The following FAM110B variants were observed in gnomAD, a reference collection of about 807,000 sequenced individuals.
FAM110B encodes family with sequence similarity 110 member B, also known as protein FAM110B.
A neutral mutation model predicts 20.4 loss-of-function variants in FAM110B; 6 were observed. The observed-to-expected ratio is 0.29, with a 90% CI of 0.16 to 0.58. The LOEUF is 0.58. Ranked by LOEUF, FAM110B falls within the 20% of genes least tolerant of loss-of-function variation. FAM110B has a pLI of 0.90. For synonymous variants in FAM110B, 226 were observed against 214.1 expected (o/e 1.06, Z -0.49); for missense variants, 434 against 498.2 (o/e 0.87, Z 1.23).
At chr8:58,018,008 T>C (rs1197657260) in intron 1 of FAM110B, among the ~76,000 whole-genome samples, 2 of 152,232 alleles carry the variant, frequency 1.3e-5, no homozygotes, top group East Asian at 3.8e-4. Flanking sequence ...TTCACGTGTA[T>C]TGGGTCATTT....
At chr8:58,084,694 C>T (rs1806288091) in intron 3 of FAM110B, among the ~76,000 whole-genome samples, 1 of 151,992 alleles carries the variant, frequency 6.6e-6, no homozygotes, top group Admixed American at 6.6e-5. Context: ...GGTGAAATCT[C>T]CGTTTTTTAA....
intron 3 of FAM110B, chr8:58,077,232 G>A (rs1018169920): frequency 3.9e-5 from 6 of 152,202 alleles, no homozygotes; most frequent in African/African-American, 7.2e-5. Context: ...AACTGTACCC[G>A]AGTGCAGGTG....
At chr8:58,066,633 C>A (rs884135) in intron 2 of FAM110B, among the ~76,000 whole-genome samples, 7,439 of 152,236 alleles carry the variant, frequency 0.049, 218 homozygotes, top group South Asian at 0.11. Flanking sequence ...AGTTGTCTTG[C>A]CCCTGGTAGC....
chr8:58,071,565 ACTTTC>A (rs1805896919), intron 2 of FAM110B, among the ~76,000 whole-genome samples: 2 of 152,182 alleles, frequency 1.3e-5, no homozygotes, highest in Admixed American at 6.5e-5. Flanking sequence ...GGGGTTCTGT[ACTTTC>A]TTTGACAGAG....
chr8:58,131,867 T>G (rs1437058339), intron 3 of FAM110B, among the ~76,000 whole-genome samples: 1 of 152,160 alleles, frequency 6.6e-6, no homozygotes, highest in Non-Finnish European at 1.5e-5. Context: ...CAGGTTCCCT[T>G]TGAAGTGATT....
chr8:58,129,921 AT>A (rs1213526885), intron 3 of FAM110B, among the ~76,000 whole-genome samples: 3 of 152,012 alleles, frequency 2.0e-5, no homozygotes, highest in South Asian at 2.1e-4. Context: ...TATTGCAATG[AT>A]TTTTTTAATG....
In FAM110B at chr8:58,052,387, A is replaced by G. The variant is rs149995116; in HGVS notation, c.-414+20684A>G. The stretch of plus-strand genomic sequence containing the variant: ...AGAGATGTTGAGATCCTGATGTTTT[A>G]AAAGTAAACCTACATAGTAAATAGT... On this transcript the variant is annotated intron_variant, in intron 2 of 3. Coordinates refer to ENST00000519262, the MANE Select transcript of FAM110B (RefSeq NM_001377989.1). Among the ~76,000 whole-genome samples, 506 of 152,338 alleles carry G rather than the reference A, an allele frequency of 3.3e-3. 3 individuals are homozygous for G. The highest frequency in any genetic ancestry group is 0.01 in the Admixed American group (160 of 15,310).
chr8:58,052,231 A>G (rs560247931), intron 2 of FAM110B, among the ~76,000 whole-genome samples: 2 of 152,328 alleles, frequency 1.3e-5, no homozygotes, highest in South Asian at 4.1e-4. Context: ...TTGCAGTGGA[A>G]CTTGAAATGA....
intron 3 of FAM110B, among the ~76,000 whole-genome samples, chr8:58,077,694 G>T (rs1431313591): frequency 6.6e-6 from 1 of 152,112 alleles, no homozygotes; most frequent in Non-Finnish European, 1.5e-5. Flanking sequence ...CACAAGAAGG[G>T]GTAGGTCCCT....
chr8:58,039,130 T>G (rs1805149987), intron 2 of FAM110B, among the ~76,000 whole-genome samples: 1 of 152,236 alleles, frequency 6.6e-6, no homozygotes, highest in Non-Finnish European at 1.5e-5. Flanking sequence ...GGCATTTCTC[T>G]GGAGCCAGAT....
chr8:58,050,434 G>A (rs76781153), intron 2 of FAM110B, among the ~76,000 whole-genome samples: 7,922 of 152,140 alleles, frequency 0.052, 690 homozygotes, highest in African/African-American at 0.18. Context: ...GGTCTCCAGC[G>A]CAAGGAGTTG....
intron 1 of FAM110B, among the ~76,000 whole-genome samples, chr8:58,025,716 G>A (rs901894750): frequency 6.6e-6 from 1 of 152,192 alleles, no homozygotes; most frequent in Admixed American, 6.5e-5. Context: ...GCTGCTGCCA[G>A]GTGTCCCTAC....
intron 3 of FAM110B, among the ~76,000 whole-genome samples, chr8:58,141,975 T>C (rs1328655511): frequency 6.6e-6 from 1 of 152,200 alleles, no homozygotes; most frequent in Non-Finnish European, 1.5e-5. Flanking sequence ...ACCTCCAGGA[T>C]TGCAAATGTT....
Position 58,146,649 on chromosome 8 carries a change from G to C in FAM110B, c.419G>C (p.Ser140Thr). The C allele has an allele frequency of 6.2e-7, 1 of 1,613,346 alleles. No homozygotes were observed. Among genetic ancestry groups the C allele is most frequent in the Non-Finnish European group, 8.5e-7 (1 of 1,179,696 alleles). ...AGCTCGGGCTCGGGGCACAAGCACA[G>C]CTCCCGCAACTGGCCGCCCCACCGG... ...GSSSGSGHKH[S>T]SRNWPPHRSE... The change falls in exon 4 of 4, where the codon AGC (serine) becomes ACC (threonine). Residue 140 changes from serine (S) to threonine (T), a missense_variant. Around this residue, in one of 3 missense-constraint regions of FAM110B, gnomAD observed 284 missense variants for 278.3 expected, o/e 1.02. Coordinates refer to ENST00000519262, the MANE Select transcript of FAM110B (RefSeq NM_001377989.1).
rs137960762 is a variant in FAM110B, at chr8:58,006,919, A to ATTTTT, written c.-512+12114_-512+12115insTTTTT. ...TTAATTGGTATATATATATATATAT[A>ATTTTT]TATATTTTTCCAAAACCAGAGTTTG... is the stretch of plus-strand genomic sequence containing the variant. On this transcript the variant is annotated intron_variant, in intron 1 of 3. Transcript: ENST00000519262. Among the ~76,000 whole-genome samples, 97 of 102,798 alleles carry ATTTTT rather than the reference A, an allele frequency of 9.4e-4. No homozygotes were observed. In the East Asian group the frequency reaches 0.014, roughly 15 times the overall value. 67.4% of individuals were successfully genotyped at this position (102,798 alleles called of 152,430 possible).
chr8:58,121,005 G>T (rs1807345481), intron 3 of FAM110B, among the ~76,000 whole-genome samples: 1 of 152,208 alleles, frequency 6.6e-6, no homozygotes, highest in Non-Finnish European at 1.5e-5. Flanking sequence ...TGAATATAAA[G>T]GGATGTAACG....
At chr8:57,999,058 T>C (rs1455431000) in intron 1 of FAM110B, among the ~76,000 whole-genome samples, 1 of 152,214 alleles carries the variant, frequency 6.6e-6, no homozygotes, top group Non-Finnish European at 1.5e-5. Context: ...TTGTTGTTGT[T>C]GTTGTTTTAA....
chr8:58,073,202 A>T (rs1055110438), intron 2 of FAM110B, among the ~76,000 whole-genome samples: 3 of 152,248 alleles, frequency 2.0e-5, no homozygotes, highest in African/African-American at 7.2e-5. Context: ...TAGAAGGCAC[A>T]GTCCCTTCCT....
intron 2 of FAM110B, among the ~76,000 whole-genome samples, chr8:58,066,721 G>A (rs1244988578): frequency 6.6e-6 from 1 of 152,126 alleles, no homozygotes; most frequent in African/African-American, 2.4e-5. Context: ...CCCGGACCTG[G>A]CTTGCGTTGA....
Sources: allele counts gnomAD v4.1 joint callset (sites outside exome capture counted in the v4.1 genomes callset), GRCh38; gene constraint gnomAD v4.1.1; regional missense constraint gnomAD v4.1.1; transcripts MANE v1.5; gene names NCBI Gene and HGNC (gene_info 2026-07-23, HGNC 2026-07-21).